BBS9: variants seen among roughly 807,000 people sequenced by gnomAD.
The protein encoded by BBS9 is Bardet-Biedl syndrome 9, also known as protein PTHB1.
In BBS9, 89 loss-of-function variants were observed where a neutral mutation model predicts 117.7. That is an observed-to-expected ratio of 0.76 (90% CI 0.64 to 0.90). The LOEUF is 0.90. BBS9 is among the 40% of genes least tolerant of loss of function. The probability of loss-of-function intolerance (pLI) is 0.00; values close to 1 mark genes in which losing one functional copy is unlikely to be tolerated. For synonymous variants in BBS9, 379 were observed against 370.9 expected (o/e 1.02, Z -0.25); for missense variants, 982 against 1,042.2 (o/e 0.94, Z 0.80).
At chr7:33,336,783 T>C (rs1305306577) in intron 10 of BBS9, among the ~76,000 whole-genome samples, 161 bp downstream of exon 10, 1 of 152,232 alleles carries the variant, frequency 6.6e-6, no homozygotes, top group East Asian at 1.9e-4. Flanking sequence ...AAGGTCTTTA[T>C]GTCTACTTTG....
intron 21 of BBS9, among the ~76,000 whole-genome samples, chr7:33,543,619 A>G (rs556840435): frequency 6.6e-6 from 1 of 152,128 alleles, no homozygotes; most frequent in Non-Finnish European, 1.5e-5. Context: ...TTTCTGTCTC[A>G]TGGCTCTTAA....
intron 5 of BBS9, among the ~76,000 whole-genome samples, chr7:33,229,303 A>G (rs1187282698): frequency 6.6e-6 from 1 of 151,284 alleles, no homozygotes; most frequent in African/African-American, 2.4e-5. Flanking sequence ...TTTATTGTAC[A>G]TATCTGCTAC....
chr7:33,544,514 G>A (rs142956807), intron 21 of BBS9, among the ~76,000 whole-genome samples: 5 of 152,266 alleles, frequency 3.3e-5, no homozygotes, highest in East Asian at 1.9e-4. Context: ...CTGGTACTGC[G>A]GGTTGTCTGC....
At chr7:33,631,831 G>C (rs539500040) in intron 21 of BBS9, among the ~76,000 whole-genome samples, 1 of 152,340 alleles carries the variant, frequency 6.6e-6, no homozygotes, top group African/African-American at 2.4e-5. Context: ...TCCCATCCTT[G>C]TTCCCTGCTT....
rs1044542534 is a variant in BBS9 at position 33,616,353 on chromosome 7, G to A, written c.2522-18824G>A. On this transcript the variant is annotated intron_variant, in intron 21 of 21. Coordinates refer to the BBS9 transcript ENST00000671952. ...ATTATTTTGTTGTTATAAGGTATTC[G>A]CACTACTTATGAAAAAGTATAGTGT... 6.0e-5 allele frequency among the ~76,000 whole-genome samples: 9 copies of A among 150,710 alleles called. No homozygotes were observed. The East Asian group carries it at 7.8e-4, about 13-fold the overall frequency.
chr7:33,235,777 G>C (rs921732672), intron 5 of BBS9, among the ~76,000 whole-genome samples: 5 of 152,030 alleles, frequency 3.3e-5, no homozygotes, highest in Non-Finnish European at 7.4e-5. Flanking sequence ...GAAGTGAAGG[G>C]GAAAAGTAGA....
intron 5 of BBS9, among the ~76,000 whole-genome samples, chr7:33,251,592 T>C (rs1298297532): frequency 1.3e-5 from 2 of 152,238 alleles, no homozygotes; most frequent in Admixed American, 6.5e-5. Context: ...ATCATCATGA[T>C]GTGTGTGGGA....
chr7:33,213,513 G>T (rs939746185), intron 5 of BBS9, among the ~76,000 whole-genome samples: 2 of 152,174 alleles, frequency 1.3e-5, no homozygotes, highest in African/African-American at 4.8e-5. Flanking sequence ...GCAAGGCAAA[G>T]TCTCTTTTAC....
At chr7:33,529,498 C>T (rs963426783) in intron 20 of BBS9, among the ~76,000 whole-genome samples, 2 of 74 alleles carry the variant, frequency 0.027, no homozygotes, top group African/African-American at 0.042. Context: ...CAAAAAATCC[C>T]CACAAAACCC....
At chr7:33,342,820 A>G (rs1022776744) in intron 11 of BBS9, among the ~76,000 whole-genome samples, 2 of 152,068 alleles carry the variant, frequency 1.3e-5, no homozygotes, top group African/African-American at 4.8e-5. Flanking sequence ...GAAACAGGAG[A>G]TGTTGGTTTC....
chr7:33,163,212 G>T (rs1369369630), intron 4 of BBS9, among the ~76,000 whole-genome samples: 1 of 152,200 alleles, frequency 6.6e-6, no homozygotes, highest in Non-Finnish European at 1.5e-5. Context: ...TTTTTGATGT[G>T]CTGCTGGATT....
At chr7:33,586,422 AG>A (rs758509967) in intron 21 of BBS9, among the ~76,000 whole-genome samples, 86 of 152,182 alleles carry the variant, frequency 5.7e-4, no homozygotes, top group Middle Eastern at 3.4e-3. Context: ...CACAGAGAAA[AG>A]GGAATGCTTA....
At chr7:33,257,846 C>A (rs1264542673) in intron 6 of BBS9, among the ~76,000 whole-genome samples, 2 of 151,998 alleles carry the variant, frequency 1.3e-5, no homozygotes, top group Non-Finnish European at 2.9e-5. Context: ...CTGTGGAATT[C>A]TTTTATAAGA....
At chr7:33,333,938 T>TA (rs35163169) in intron 9 of BBS9, among the ~76,000 whole-genome samples, 23,826 of 152,152 alleles carry the variant, frequency 0.16, 2,277 homozygotes, top group South Asian at 0.22. Context: ...ATTGATTTTT[T>TA]AAAAAGTAAA....
chr7:33,296,514 A>G (rs993225059), intron 9 of BBS9, among the ~76,000 whole-genome samples: 1 of 152,130 alleles, frequency 6.6e-6, no homozygotes, highest in Non-Finnish European at 1.5e-5. Flanking sequence ...TGCTTTATTG[A>G]GATTGTTGTA....
At position 33,385,941 on chromosome 7, in the gene BBS9, T is replaced by G. The variant is rs12669172; in HGVS notation, c.1963-2051T>G. 0.02 allele frequency among the ~76,000 whole-genome samples: 3,008 copies of G among 152,094 alleles called. 207 individuals carry two copies. The East Asian group carries it at 0.26, about 13-fold the overall frequency. ...ACTGAGTGCTTCTAAAGAGAACACT[T>G]GGACACAGGAAGGGGAACATCACAC... On this transcript the variant is annotated intron_variant, in intron 18 of 22. Coordinates refer to ENST00000242067, the MANE Select transcript of BBS9 (RefSeq NM_198428.3).
chr7:33,480,196 T>C (rs1035196085), intron 19 of BBS9, among the ~76,000 whole-genome samples: 2 of 152,208 alleles, frequency 1.3e-5, no homozygotes, highest in African/African-American at 2.4e-5. Flanking sequence ...ATTAAAACAT[T>C]CTTCTACATT....
chr7:33,565,763 A>T (rs187783548), intron 21 of BBS9, among the ~76,000 whole-genome samples: 24 of 129,554 alleles, frequency 1.9e-4, no homozygotes, highest in African/African-American at 5.6e-4. Context: ...TCAATACAAA[A>T]CATTAAGGCT....
At chr7:33,435,098 C>T (rs558219527) in intron 19 of BBS9, among the ~76,000 whole-genome samples, 3 of 152,024 alleles carry the variant, frequency 2.0e-5, no homozygotes, top group Non-Finnish European at 4.4e-5. Flanking sequence ...ATAAACTAAC[C>T]CTAAAATTTA....
Sources: gnomAD v4.1 joint callset for allele counts (sites outside exome capture counted in the v4.1 genomes callset) on GRCh38, gnomAD v4.1.1 for gene constraint, MANE v1.5 for transcripts, NCBI Gene and HGNC (gene_info 2026-07-23, HGNC 2026-07-21) for gene names.